CPA6: variants seen among roughly 807,000 people sequenced by gnomAD.
CPA6 encodes the protein carboxypeptidase A6.
CPA6 carries 58 observed loss-of-function variants against 63.3 expected under a neutral mutation model. That is an observed-to-expected ratio of 0.92 (90% confidence interval 0.74 to 1.14). The LOEUF (loss-of-function observed/expected upper bound fraction) is 1.14, where lower values mean the gene tolerates loss of function less well. CPA6 is among the 50% of genes most tolerant of loss of function. The probability of loss-of-function intolerance (pLI) is 0.00; values close to 1 mark genes in which losing one functional copy is unlikely to be tolerated. For missense variants in CPA6, 565 were observed against 526.6 expected (o/e 1.07, Z -0.71); for synonymous variants, 185 against 179.0 (o/e 1.03, Z -0.27).
chr8:67,529,382 G>A (rs533315266), intron 2 of CPA6, among the ~76,000 whole-genome samples: 1 of 152,058 alleles, frequency 6.6e-6, no homozygotes, highest in African/African-American at 2.4e-5. Context: ...TCAAAGAAAA[G>A]CAAGTTGATT....
chr8:67,475,844 TTTCTTTCTTTC>T (rs1811190967), intron 8 of CPA6, among the ~76,000 whole-genome samples: 1 of 92,404 alleles, frequency 1.1e-5, no homozygotes, highest in African/African-American at 4.8e-5. Flanking sequence ...TCTTTCTTTC[TTTCTTTCTTTC>T]TTTCTTTCTT....
At chr8:67,721,416 A>T (rs1405826193) in intron 1 of CPA6, among the ~76,000 whole-genome samples, 1 of 152,270 alleles carries the variant, frequency 6.6e-6, no homozygotes, top group East Asian at 1.9e-4. Flanking sequence ...TAAATAAGTC[A>T]CATATCCACT....
chr8:67,698,010 G>T (rs913341576), intron 1 of CPA6, among the ~76,000 whole-genome samples: 1 of 152,130 alleles, frequency 6.6e-6, no homozygotes. Flanking sequence ...AGTATCAGGT[G>T]TTTATTCTGT....
chr8:67,636,448 T>TG (rs1815470713), intron 1 of CPA6, among the ~76,000 whole-genome samples: 1 of 151,598 alleles, frequency 6.6e-6, no homozygotes, highest in African/African-American at 2.4e-5. Context: ...ACTTTGGATA[T>TG]TTTTAGAGGA....
chr8:67,548,174 C>CTTTCCTTCCA (rs1812862620), intron 2 of CPA6, among the ~76,000 whole-genome samples: 1 of 118,498 alleles, frequency 8.4e-6, no homozygotes. Context: ...TCCTTCCTTC[C>CTTTCCTTCCA]TTTCCTTCCC....
At chr8:67,533,262 C>T (rs760043616) in intron 2 of CPA6, among the ~76,000 whole-genome samples, 5 of 152,014 alleles carry the variant, frequency 3.3e-5, no homozygotes, top group South Asian at 2.1e-4. Context: ...TTGCTGTGGC[C>T]GTAAGAAGGG....
At chr8:67,467,741 G>GC (rs1237905573) in intron 8 of CPA6, among the ~76,000 whole-genome samples, 1 of 152,066 alleles carries the variant, frequency 6.6e-6, no homozygotes. Flanking sequence ...GGCGGCTTAT[G>GC]CCTGTAATAC....
chr8:67,692,158 G>A (rs1480021912), intron 1 of CPA6, among the ~76,000 whole-genome samples: 1 of 152,110 alleles, frequency 6.6e-6, no homozygotes, highest in Non-Finnish European at 1.5e-5. Context: ...CCAACGTGGA[G>A]AAACCTCATC....
intron 1 of CPA6, among the ~76,000 whole-genome samples, chr8:67,733,535 T>G (rs1383758343): frequency 6.6e-6 from 1 of 152,200 alleles, no homozygotes; most frequent in Non-Finnish European, 1.5e-5. Flanking sequence ...TTATCTCCGC[T>G]CAGAGTCCTT....
intron 2 of CPA6, among the ~76,000 whole-genome samples, chr8:67,604,890 G>A (rs1814589885): frequency 6.6e-6 from 1 of 152,046 alleles, no homozygotes; most frequent in Non-Finnish European, 1.5e-5. Flanking sequence ...CGATTTTCCC[G>A]CCTCAGCCTC....
rs573251332 is a variant in CPA6, at chr8:67,516,943, C to T, written c.317+980G>A. Reference sequence around the variant, plus strand: ...CCCCGAGTAGCTAGGATTACAGGCACGTACCACTACACCCAGCTAATTTTT... The same window carrying T: ...CCCCGAGTAGCTAGGATTACAGGCATGTACCACTACACCCAGCTAATTTTT... On this transcript the variant is annotated intron_variant, in intron 3 of 10. Coordinates refer to ENST00000297770, the MANE Select transcript of CPA6 (RefSeq NM_020361.5). Among the ~76,000 whole-genome samples, 7 of 152,084 alleles carry T rather than the reference C, an allele frequency of 4.6e-5. No homozygotes were observed. In the East Asian group the frequency reaches 5.8e-4, roughly 13 times the overall value.
intron 2 of CPA6, among the ~76,000 whole-genome samples, chr8:67,567,195 C>G: frequency 6.6e-6 from 1 of 152,154 alleles, no homozygotes; most frequent in Non-Finnish European, 1.5e-5. Flanking sequence ...AATAGACAAA[C>G]CTGTGCAACT....
intron 1 of CPA6, among the ~76,000 whole-genome samples, chr8:67,637,009 C>G (rs550607139): frequency 4.0e-5 from 6 of 151,696 alleles, no homozygotes; most frequent in Non-Finnish European, 7.3e-5. Flanking sequence ...ATATAAAGTG[C>G]TTGGAACATG....
At chr8:67,597,198 CT>C (rs1219322033) in intron 2 of CPA6, among the ~76,000 whole-genome samples, 2,095 of 135,048 alleles carry the variant, frequency 0.016, 19 homozygotes, top group African/African-American at 0.051. Flanking sequence ...CTCTGTGTCT[CT>C]TTTTTTTTTT....
intron 8 of CPA6, among the ~76,000 whole-genome samples, chr8:67,453,286 A>G (rs1314462712): frequency 2.6e-5 from 4 of 152,148 alleles, no homozygotes; most frequent in Non-Finnish European, 5.9e-5. Context: ...GGGATTTCAT[A>G]AATGGTTGGA....
At chr8:67,697,020 C>T (rs1346420175) in intron 1 of CPA6, among the ~76,000 whole-genome samples, 1 of 152,184 alleles carries the variant, frequency 6.6e-6, no homozygotes, top group Non-Finnish European at 1.5e-5. Context: ...TAAAGACTCC[C>T]ACACCATTCT....
chr8:67,681,200 C>CTTTTTTTTTCTTTTTT (rs1816586625), intron 1 of CPA6, among the ~76,000 whole-genome samples: 1 of 89,896 alleles, frequency 1.1e-5, no homozygotes, highest in South Asian at 4.0e-4. Context: ...CAAAGATTTT[C>CTTTTTTTTTCTTTTTT]TTTTTTTTTT....
chr8:67,517,747 A>G (rs1812175928), intron 3 of CPA6, among the ~76,000 whole-genome samples, 176 bp downstream of exon 3: 1 of 152,206 alleles, frequency 6.6e-6, no homozygotes, highest in African/African-American at 2.4e-5. Flanking sequence ...CGTTGCTCCC[A>G]TCCCCCATTG....
At chr8:67,547,017 G>T (rs528519670) in intron 2 of CPA6, among the ~76,000 whole-genome samples, 1 of 152,180 alleles carries the variant, frequency 6.6e-6, no homozygotes, top group South Asian at 2.1e-4. Context: ...AAAATCCCAG[G>T]TGATGCTGAA....
Sources: gnomAD v4.1 joint callset for allele counts (sites outside exome capture counted in the v4.1 genomes callset) on GRCh38, gnomAD v4.1.1 for gene constraint, MANE v1.5 for transcripts, NCBI Gene and HGNC (gene_info 2026-07-23, HGNC 2026-07-21) for gene names.